Variants in TRPM1 observed in about 807,000 individuals in gnomAD.
The protein encoded by TRPM1 is transient receptor potential cation channel subfamily M member 1.
In TRPM1, 113 loss-of-function variants were observed where a neutral mutation model predicts 149.4. The ratio of observed to expected loss-of-function variants is 0.76; its 90% confidence interval spans 0.65 to 0.88. TRPM1 has a LOEUF of 0.88. TRPM1 is among the 40% of genes least tolerant of loss of function. TRPM1 has a pLI of 0.00. For missense variants in TRPM1, 1,976 were observed against 2,038.7 expected, an observed-to-expected ratio of 0.97 and a Z score of 0.59; for synonymous variants, 741 against 759.5, an observed-to-expected ratio of 0.98 and a Z score of 0.40.
chr15:31,096,198 G>A (rs186549543), intron 1 of TRPM1, among the ~76,000 whole-genome samples: 1 of 152,248 alleles, frequency 6.6e-6, no homozygotes, highest in East Asian at 1.9e-4. Flanking sequence ...AGGCAGGAAC[G>A]AGCCAGGCAG....
intron 27 of TRPM1, among the ~76,000 whole-genome samples, chr15:31,015,361 G>A (rs1396259140): frequency 2.0e-5 from 3 of 151,474 alleles, no homozygotes; most frequent in South Asian, 4.2e-4. Context: ...GCAGTGAGCC[G>A]AGATCATGCC....
rs541509409 is a variant in TRPM1 at position 31,002,200 on chromosome 15, C to T, written c.4500G>A (p.Thr1500=). The T allele has an allele frequency of 7.0e-5, 113 of 1,614,238 alleles. No homozygotes were observed. In the East Asian group the frequency reaches 1.9e-3, roughly 27 times the overall value. The part of the protein sequence containing the change: ...TEWQCQVQKI[T]RSHSTDIPYI... ...AAGGAATATCTGTGCTATGAGAGCG[C>T]GTGATCTTTTGAACTTGGCATTGCC... Residue 1500 remains threonine, a synonymous_variant, in exon 28 of 28, where the codon ACG becomes ACA. Coordinates refer to ENST00000256552, the MANE Select transcript of TRPM1 (RefSeq NM_001252024.2).
At chr15:31,023,183 T>A (rs2032607351) in intron 27 of TRPM1, among the ~76,000 whole-genome samples, 1 of 152,192 alleles carries the variant, frequency 6.6e-6, no homozygotes, top group Admixed American at 6.5e-5. Context: ...GGTGAAGTTT[T>A]CCATAAGGAA....
At chr15:31,007,648 C>CA (rs148559185) in intron 27 of TRPM1, among the ~76,000 whole-genome samples, 27,206 of 84,014 alleles carry the variant, frequency 0.32, 3,034 homozygotes, top group African/African-American at 0.49. Flanking sequence ...ACAACAGCAG[C>CA]GCAGCAACAA....
At chr15:31,142,672 C>T (rs892803326) in intron 1 of TRPM1, among the ~76,000 whole-genome samples, 1 of 152,070 alleles carries the variant, frequency 6.6e-6, no homozygotes, top group South Asian at 2.1e-4. Context: ...GTCTTTTGAA[C>T]TTTTATTTTT....
intron 1 of TRPM1, among the ~76,000 whole-genome samples, chr15:31,088,712 T>C (rs777399034): frequency 6.6e-6 from 1 of 151,496 alleles, no homozygotes; most frequent in Non-Finnish European, 1.5e-5. Flanking sequence ...GGCCGTCGTA[T>C]GAGATTGACT....
chr15:31,124,651 T>C (rs78739932), intron 1 of TRPM1, among the ~76,000 whole-genome samples: 2,926 of 98,802 alleles, frequency 0.03, 116 homozygotes, highest in African/African-American at 0.13. Flanking sequence ...TAAGACTCTG[T>C]CTCAAAAAAA....
chr15:31,035,079 A>T (rs1311507939), intron 21 of TRPM1, among the ~76,000 whole-genome samples: 2 of 152,186 alleles, frequency 1.3e-5, no homozygotes, highest in African/African-American at 4.8e-5. Flanking sequence ...ATCTCGGCTC[A>T]TTGCAACCTC....
intron 23 of TRPM1, among the ~76,000 whole-genome samples, chr15:31,029,848 C>T (rs547381288): frequency 1.3e-5 from 2 of 152,012 alleles, no homozygotes; most frequent in South Asian, 4.2e-4. Context: ...ATAGCACAGC[C>T]TAAAGTTTAC....
chr15:31,110,110 C>G (rs987779244), intron 1 of TRPM1, among the ~76,000 whole-genome samples: 1 of 152,144 alleles, frequency 6.6e-6, no homozygotes, highest in Non-Finnish European at 1.5e-5. Context: ...ACTTTGCATA[C>G]TGTTGAATTC....
intron 1 of TRPM1, among the ~76,000 whole-genome samples, chr15:31,123,228 AC>A (rs1373063488): frequency 6.6e-6 from 1 of 152,240 alleles, no homozygotes; most frequent in Non-Finnish European, 1.5e-5. Context: ...AAATTATAAA[AC>A]ATCTAGAAGA....
At chr15:31,027,494 TC>T (rs898166063) in intron 25 of TRPM1, among the ~76,000 whole-genome samples, 2 of 152,376 alleles carry the variant, frequency 1.3e-5, no homozygotes, top group African/African-American at 2.4e-5. Flanking sequence ...TACTTTTTTT[TC>T]AACTGAATTA....
At chr15:31,091,763 A>G (rs1234849190) in intron 1 of TRPM1, among the ~76,000 whole-genome samples, 1 of 152,204 alleles carries the variant, frequency 6.6e-6, no homozygotes, top group African/African-American at 2.4e-5. Context: ...GGCTGCTCAT[A>G]TATTTATAGA....
intron 1 of TRPM1, among the ~76,000 whole-genome samples, chr15:31,130,017 G>A (rs1354511526): frequency 6.6e-6 from 1 of 152,192 alleles, no homozygotes; most frequent in East Asian, 1.9e-4. Context: ...TCTTCAGCAG[G>A]GATGCTCTTC....
chr15:31,160,671 A>G (rs1484401898), intron 1 of TRPM1, among the ~76,000 whole-genome samples: 2 of 152,206 alleles, frequency 1.3e-5, no homozygotes, highest in Non-Finnish European at 2.9e-5. Context: ...CAGCCACTCG[A>G]AGGTGGGAGC....
intron 1 of TRPM1, among the ~76,000 whole-genome samples, chr15:31,089,592 G>C (rs1321597255): frequency 6.6e-6 from 1 of 152,204 alleles, no homozygotes; most frequent in Non-Finnish European, 1.5e-5. Context: ...TGTAACTCGA[G>C]GAGGCCCAGG....
intron 1 of TRPM1, among the ~76,000 whole-genome samples, chr15:31,097,249 C>T (rs972511518): frequency 8.2e-6 from 1 of 121,690 alleles, no homozygotes; most frequent in Non-Finnish European, 1.6e-5. Flanking sequence ...CCCAAGACTA[C>T]GTCCACCAAA....
intron 1 of TRPM1, among the ~76,000 whole-genome samples, chr15:31,116,764 A>G (rs910340976): frequency 3.5e-5 from 5 of 143,130 alleles, no homozygotes; most frequent in Non-Finnish European, 7.4e-5. Context: ...AAGATAACAG[A>G]GAGAGAGAAA....
At chr15:31,011,409 T>C (rs1020194455) in intron 27 of TRPM1, among the ~76,000 whole-genome samples, 2 of 152,160 alleles carry the variant, frequency 1.3e-5, no homozygotes, top group Non-Finnish European at 2.9e-5. Flanking sequence ...TGTATCATTT[T>C]AATTCACTTA....
Sources: allele counts gnomAD v4.1 joint callset (sites outside exome capture counted in the v4.1 genomes callset), GRCh38; gene constraint gnomAD v4.1.1; transcripts MANE v1.5; gene names NCBI Gene and HGNC (gene_info 2026-07-23, HGNC 2026-07-21).